Variants in SLC37A3 observed in about 807,000 individuals in gnomAD.
SLC37A3 encodes sugar phosphate exchanger 3.
A neutral mutation model predicts 67.1 loss-of-function variants in SLC37A3; 51 were observed. That is an observed-to-expected ratio of 0.76 (90% confidence interval 0.61 to 0.96). The LOEUF is 0.96. Among genes scored for constraint, SLC37A3 ranks in the 40% least tolerant of loss-of-function variants. The pLI is 0.00. For missense variants in SLC37A3, 508 were observed against 603.0 expected (o/e 0.84, Z 1.65); for synonymous variants, 214 against 231.4 (o/e 0.92, Z 0.68).
intron 5 of SLC37A3, 84 bp from the exon 6 acceptor site, chr7:140,358,869 T>C: frequency 6.5e-7 from 1 of 1,527,980 alleles, no homozygotes; most frequent in South Asian, 1.2e-5. Context: ...TGCTTCAGAG[T>C]AGAGACCACG....
intron 5 of SLC37A3, 118 bp downstream of exon 5, chr7:140,364,290 A>C: frequency 1.1e-6 from 1 of 936,600 alleles, no homozygotes; most frequent in Non-Finnish European, 1.5e-6. Context: ...GAAAAGGCAA[A>C]TGAGGGATTC....
intron 3 of SLC37A3, among the ~76,000 whole-genome samples, chr7:140,371,855 C>CT (rs759365499): frequency 7.7e-4 from 112 of 145,288 alleles, no homozygotes; most frequent in Non-Finnish European, 7.8e-4. Context: ...GTTTACAGAA[C>CT]TTTTTTTTTT....
chr7:140,383,392 G>A (rs1209707354), intron 1 of SLC37A3, among the ~76,000 whole-genome samples: 2 of 152,120 alleles, frequency 1.3e-5, no homozygotes, highest in Non-Finnish European at 2.9e-5. Context: ...GATCCCTTGA[G>A]TCCAGGAGTT....
At chr7:140,337,376 A>C (rs573622984) in intron 13 of SLC37A3, 27 bp from the exon 14 acceptor site, 4 of 1,524,882 alleles carry the variant, frequency 2.6e-6, no homozygotes, top group East Asian at 2.4e-5. Flanking sequence ...AAAAATTACA[A>C]TATAATTCTT....
Position 140,366,470 on chromosome 7 carries a change from G to A in SLC37A3, c.292-1979C>T, listed in dbSNP as rs79127706. On this transcript the variant is annotated intron_variant, in intron 4 of 14. Coordinates refer to ENST00000326232, the MANE Select transcript of SLC37A3 (RefSeq NM_207113.3). Reference sequence around the variant, plus strand: ...ATGCCCATAAGTTACAGAAGGAAGTGCAGCTCAAGATAAAAAAAAAACCAT... The same window carrying A: ...ATGCCCATAAGTTACAGAAGGAAGTACAGCTCAAGATAAAAAAAAAACCAT... 2.4e-4 allele frequency among the ~76,000 whole-genome samples: 33 copies of A among 139,028 alleles called. No homozygotes were observed. The East Asian group carries it at 5.9e-3, about 25-fold the overall frequency. 91.2% of individuals were successfully genotyped at this position (139,028 alleles called of 152,430 possible). A position where few individuals can be genotyped will look rare whatever the true frequency, so the allele number is the denominator to read the frequency against.
At position 140,374,571 on chromosome 7, in the gene SLC37A3, C is replaced by T. The variant is rs1477081485; in HGVS notation, c.199-4889G>A. Among the ~76,000 whole-genome samples the T allele has an allele frequency of 1.3e-4, 20 of 151,582 alleles. 1 individual carries two copies. Among genetic ancestry groups the T allele is most frequent in the Non-Finnish European group, 2.8e-4 (19 of 67,920 alleles). ...GGTGCGGTAGCTCATGCTTATAATC[C>T]AACACTCTGGGAGGCCCAGGCAGGA... On this transcript the variant is annotated intron_variant, in intron 3 of 14. Transcript: ENST00000326232.
At chr7:140,375,175 A>AC (rs1449377383) in intron 3 of SLC37A3, among the ~76,000 whole-genome samples, 10 of 93,590 alleles carry the variant, frequency 1.1e-4, no homozygotes, top group East Asian at 2.9e-4. Flanking sequence ...AAAAAACAAC[A>AC]AAAAAAAAAC....
At chr7:140,387,161 A>G (rs1798485923) in intron 1 of SLC37A3, among the ~76,000 whole-genome samples, 1 of 152,098 alleles carries the variant, frequency 6.6e-6, no homozygotes, top group Admixed American at 6.6e-5. Context: ...GTACATTGTC[A>G]TTAACTATAG....
intron 1 of SLC37A3, among the ~76,000 whole-genome samples, chr7:140,394,781 G>C (rs10243940): frequency 6.6e-6 from 1 of 151,154 alleles, no homozygotes; most frequent in East Asian, 2.1e-4. Context: ...GCTAATTTTT[G>C]TATTTTTAGT....
intron 5 of SLC37A3, among the ~76,000 whole-genome samples, chr7:140,359,594 G>A (rs11773054): frequency 0.071 from 10,743 of 152,210 alleles, 405 homozygotes; most frequent in Non-Finnish European, 0.085. Flanking sequence ...CTTGTGATCT[G>A]CTGAATCATT....
intron 6 of SLC37A3, among the ~76,000 whole-genome samples, chr7:140,357,374 A>G (rs779466058): frequency 1.3e-5 from 2 of 152,136 alleles, no homozygotes; most frequent in African/African-American, 4.8e-5. Flanking sequence ...ACTGAAAACA[A>G]CCCAAATGTT....
At chr7:140,355,298 G>T (rs1481494011) in intron 7 of SLC37A3, among the ~76,000 whole-genome samples, 1 of 151,696 alleles carries the variant, frequency 6.6e-6, no homozygotes, top group Non-Finnish European at 1.5e-5. Context: ...TGCAACCTCC[G>T]CCTCGTGGGT....
chr7:140,396,517 AC>A (rs1798932731), intron 1 of SLC37A3, among the ~76,000 whole-genome samples: 1 of 152,324 alleles, frequency 6.6e-6, no homozygotes, highest in South Asian at 2.1e-4. Context: ...TTCCAAAACC[AC>A]ATTCTTCCTC....
At chr7:140,363,760 A>G (rs1797481176) in intron 5 of SLC37A3, among the ~76,000 whole-genome samples, 1 of 109,518 alleles carries the variant, frequency 9.1e-6, no homozygotes, top group Non-Finnish European at 2.0e-5. Context: ...AAAAAAAAAA[A>G]AAAAAGAAAG....
In SLC37A3 at chr7:140,364,470, C is replaced by T. The variant is rs778761904; in HGVS notation, c.313G>A (p.Val105Ile). 1.4e-5 allele frequency: 22 copies of T among 1,613,872 alleles called. No homozygotes were observed. The highest frequency in any genetic ancestry group is 4.5e-5 in the East Asian group (2 of 44,886). The change falls in exon 5 of 15, where the codon GTT (valine) becomes ATT (isoleucine). Residue 105 changes from valine (V) to isoleucine (I), a missense_variant. Val to Ile is a conservative substitution (Grantham distance 29). Coordinates refer to ENST00000326232, the MANE Select transcript of SLC37A3 (RefSeq NM_207113.3). ...CATCGCAAATTCAACCGATCCCCAA[C>T]GATGCCACTGATGAATAGGCCCTAA... is the stretch of plus-strand genomic sequence containing the variant. ...YAVGLFISGIVGDRLNLRWVL... is the reference protein window; with the variant it reads ...YAVGLFISGIIGDRLNLRWVL...
rs1360434297 is a variant in SLC37A3, at chr7:140,361,487, G to GCCTCTCCCTCTC, written c.376-2703_376-2702insGAGAGGGAGAGG. ...ACAAGAGCAAAACTCCGGACACACA[G>GCCTCTCCCTCTC]CCTCTCCCTCCCCCTCCCCCTCCCC... On this transcript the variant is annotated intron_variant, in intron 5 of 14. Transcript: ENST00000326232. Among the ~76,000 whole-genome samples, 12 of 55,934 alleles carry GCCTCTCCCTCTC rather than the reference G, an allele frequency of 2.1e-4. 2 individuals carry two copies. Among genetic ancestry groups the GCCTCTCCCTCTC allele is most frequent in the African/African-American group, 9.6e-4 (9 of 9,340 alleles). The allele number at this position is 55,934 out of a possible 152,430, so 36.7% of individuals were successfully genotyped here.
chr7:140,376,971 T>G (rs1585344207), intron 3 of SLC37A3, among the ~76,000 whole-genome samples: 1 of 135,174 alleles, frequency 7.4e-6, no homozygotes, highest in African/African-American at 2.9e-5. Context: ...TGAGACAGAG[T>G]CTCACTCTGT....
intron 5 of SLC37A3, among the ~76,000 whole-genome samples, chr7:140,359,876 T>C (rs1797195154): frequency 1.3e-5 from 2 of 152,168 alleles, no homozygotes; most frequent in Non-Finnish European, 2.9e-5. Flanking sequence ...AGGGCAAGTT[T>C]ATGTACAAAC....
chr7:140,393,862 C>T (rs1798814579), intron 1 of SLC37A3, among the ~76,000 whole-genome samples: 2 of 152,124 alleles, frequency 1.3e-5, no homozygotes, highest in African/African-American at 4.8e-5. Context: ...CAGCAGAGCA[C>T]TGAGAACGAT....
Sources: allele counts gnomAD v4.1 joint callset (sites outside exome capture counted in the v4.1 genomes callset), GRCh38; gene constraint gnomAD v4.1.1; transcripts MANE v1.5; gene names NCBI Gene and HGNC (gene_info 2026-07-23, HGNC 2026-07-21).